MCF2L: variants seen among roughly 807,000 people sequenced by gnomAD.
MCF2L encodes guanine nucleotide exchange factor DBS.
Under a neutral mutation model 153.4 loss-of-function variants are expected in MCF2L, and 97 were observed. The ratio of observed to expected loss-of-function variants is 0.63; its 90% CI spans 0.54 to 0.75. The LOEUF (loss-of-function observed/expected upper bound fraction) is 0.75. MCF2L is among the 30% of genes least tolerant of loss of function. The pLI is 0.00. For synonymous variants in MCF2L, 659 were observed against 632.2 expected, an observed-to-expected ratio of 1.04 and a Z score of -0.64; for missense variants, 1,347 against 1,495.2, an observed-to-expected ratio of 0.90 and a Z score of 1.64.
chr13:113,089,731 G>A lies in MCF2L; in HGVS notation c.2953+3G>A, dbSNP rs775128067. 4.3e-6 allele frequency: 7 copies of A among 1,612,738 alleles called. No homozygotes were observed. The highest frequency in any genetic ancestry group is 5.9e-6 in the Non-Finnish European group (7 of 1,179,204). ...AAAGCCCCCCGAAAAGGGCAAAGGTGGGTATGTGCAGGGACCGGGCCTCAC... is the reference window on the plus strand; with the variant it reads ...AAAGCCCCCCGAAAAGGGCAAAGGTAGGTATGTGCAGGGACCGGGCCTCAC... On this transcript the variant is annotated splice_donor_region_variant and intron_variant, in intron 26 of 29. Coordinates refer to ENST00000535094, the MANE Select transcript of MCF2L (RefSeq NM_001112732.3).
intron 1 of MCF2L, among the ~76,000 whole-genome samples, chr13:112,895,555 G>A (rs77389417): frequency 0.014 from 2,083 of 152,234 alleles, 55 homozygotes; most frequent in African/African-American, 0.047. Context: ...ACTGTGGAGC[G>A]AGGGGTCCAG....
upstream of MCF2L, chr13:112,968,761 C>A (rs1399508896): frequency 2.9e-6 from 4 of 1,370,904 alleles, no homozygotes; most frequent in Non-Finnish European, 3.7e-6. Context: ...GGCAGCTGCA[C>A]TCGCTCGGTC....
At chr13:113,021,686 G>C (rs1034624746) in intron 2 of MCF2L, among the ~76,000 whole-genome samples, 1 of 152,220 alleles carries the variant, frequency 6.6e-6, no homozygotes, top group Non-Finnish European at 1.5e-5. Flanking sequence ...TGGTGGGGAG[G>C]GTTTCTCCAG....
intron 26 of MCF2L, 37 bp downstream of exon 26, chr13:113,089,765 C>T: frequency 6.2e-7 from 1 of 1,600,804 alleles, no homozygotes; most frequent in Non-Finnish European, 8.6e-7. Flanking sequence ...ACACGGAGGC[C>T]TCACACGGAG....
chr13:112,961,174 C>G (rs2081821424), intron 2 of MCF2L, among the ~76,000 whole-genome samples: 1 of 151,942 alleles, frequency 6.6e-6, no homozygotes, highest in Admixed American at 6.6e-5. Context: ...GCCCTGAAGA[C>G]TTCTGAAGAT....
intron 2 of MCF2L, chr13:112,909,377 G>C (rs2081207099): frequency 1.3e-6 from 1 of 767,656 alleles, no homozygotes; most frequent in African/African-American, 1.7e-5. Context: ...ATGGGTTGAA[G>C]CCAGGCTAAG....
rs1414280596 is a variant in MCF2L at position 113,097,944 on chromosome 13, T to C, written c.*1085T>C. On this transcript the variant is annotated 3_prime_UTR_variant, in exon 30 of 30. Coordinates refer to ENST00000535094, the MANE Select transcript of MCF2L (RefSeq NM_001112732.3). ...AAGTGAAAGTGGGGAGAGTATTTTA[T>C]TCAAGTCACAGCAGAACTGGAAAAA... 6.6e-6 allele frequency: 1 copy of C among 152,234 alleles called. No homozygotes were observed. The highest frequency in any genetic ancestry group is 1.5e-5 in the Non-Finnish European group (1 of 68,042). The allele number at this position is 152,234 out of a possible 1,614,324, so 9.4% of individuals were successfully genotyped here.
In MCF2L at chr13:113,074,581, C is replaced by T. The variant is rs199736125; in HGVS notation, c.1116+18C>T. The T allele has an allele frequency of 6.7e-4, 1,077 of 1,610,866 alleles. 4 individuals carry two copies. In the African/African-American group the frequency reaches 0.012, roughly 18 times the overall value. On this transcript the variant is annotated intron_variant, in intron 10 of 29. Coordinates refer to ENST00000535094, the MANE Select transcript of MCF2L (RefSeq NM_001112732.3). This position sits in a 1 kb window ranked among gnomAD's most constrained non-coding sequence, Gnocchi z 4.2. ...AATCAGGCGTAAGGCGGGGTCCCGG[C>T]GGGGGCGGCGGGAGAGTGTGGGCAG...
At chr13:112,959,011 C>A (rs1884896161) in intron 2 of MCF2L, among the ~76,000 whole-genome samples, 1 of 152,198 alleles carries the variant, frequency 6.6e-6, no homozygotes, top group Non-Finnish European at 1.5e-5. Flanking sequence ...GGCCGCTATG[C>A]CTCTTCCAGA....
At chr13:112,946,386 C>T (rs544209068) in intron 2 of MCF2L, among the ~76,000 whole-genome samples, 5 of 151,982 alleles carry the variant, frequency 3.3e-5, no homozygotes, top group Admixed American at 1.3e-4. Flanking sequence ...TTGTGGTAAA[C>T]GTATTGCTTT....
intron 1 of MCF2L, among the ~76,000 whole-genome samples, chr13:113,000,523 T>G (rs374271103): frequency 3.3e-5 from 5 of 152,314 alleles, no homozygotes; most frequent in African/African-American, 1.2e-4. Flanking sequence ...GCTTCCAGAC[T>G]TAGCTTTGGT....
chr13:113,064,246 C>T lies in MCF2L; in HGVS notation c.490-58C>T. 7.8e-7 allele frequency: 1 copy of T among 1,283,164 alleles called. No individual in the cohort carries two copies. Among genetic ancestry groups the T allele is most frequent in the South Asian group, 1.2e-5 (1 of 84,524 alleles). The allele number at this position is 1,283,164 out of a possible 1,614,324, so 79.5% of individuals were successfully genotyped here. Reference sequence around the variant, plus strand: ...GCTGGGTGTTCTGCTGATGGGGCAGCTCTTTTGGGAGCCAACAATAATCCC... The same window carrying T: ...GCTGGGTGTTCTGCTGATGGGGCAGTTCTTTTGGGAGCCAACAATAATCCC... On this transcript the variant is annotated intron_variant, in intron 5 of 29. Coordinates refer to ENST00000535094, the MANE Select transcript of MCF2L (RefSeq NM_001112732.3). This position sits in a 1 kb window ranked among gnomAD's most constrained non-coding sequence, Gnocchi z 6.0.
In MCF2L at chr13:113,089,990, C is replaced by T. The variant is rs966494715; in HGVS notation, c.2953+262C>T. ...GCGTGCAACCCGGAGCCGCCTTGGGCCCTCCCTGCGACAGCCGGACCCGCC... is the reference window on the plus strand; with the variant it reads ...GCGTGCAACCCGGAGCCGCCTTGGGTCCTCCCTGCGACAGCCGGACCCGCC... On this transcript the variant is annotated intron_variant, in intron 26 of 29. Transcript: ENST00000535094. 7.5e-6 allele frequency: 12 copies of T among 1,601,718 alleles called. No homozygotes were observed. In the South Asian group the frequency reaches 1.3e-4, roughly 18 times the overall value.
At chr13:113,016,591 G>T (rs2084529489) in intron 2 of MCF2L, among the ~76,000 whole-genome samples, 1 of 152,046 alleles carries the variant, frequency 6.6e-6, no homozygotes, top group South Asian at 2.1e-4. Flanking sequence ...ATATAAGATG[G>T]AGTCCCCTGT....
intron 1 of MCF2L, among the ~76,000 whole-genome samples, chr13:112,995,008 C>G (rs1011235128): frequency 6.6e-6 from 1 of 152,254 alleles, no homozygotes; most frequent in Non-Finnish European, 1.5e-5. Flanking sequence ...TCCCCAGGGG[C>G]GCCTCCCTCC....
chr13:113,090,125 C>T (rs1418076111), intron 26 of MCF2L: 1 of 1,546,628 alleles, frequency 6.5e-7, no homozygotes, highest in Non-Finnish European at 8.7e-7. Flanking sequence ...AAGCGCTTTA[C>T]CCTGCAGGGT....
chr13:113,082,615 G>A, intron 17 of MCF2L, 73 bp downstream of exon 17: 1 of 1,157,984 alleles, frequency 8.6e-7, no homozygotes, highest in East Asian at 2.5e-5. Context: ...TCAGGGGGCT[G>A]GAATGGGGGT....
chr13:113,017,275 G>A (rs374607967), intron 2 of MCF2L, among the ~76,000 whole-genome samples: 47 of 152,326 alleles, frequency 3.1e-4, no homozygotes, highest in African/African-American at 9.1e-4. Flanking sequence ...ACTGGGGCTC[G>A]TCTCTCAGGT....
chr13:112,989,886 G>A (rs2082831640), intron 1 of MCF2L, among the ~76,000 whole-genome samples: 1 of 152,258 alleles, frequency 6.6e-6, no homozygotes, highest in South Asian at 2.1e-4. Flanking sequence ...CAGGGGTAGG[G>A]ATGGTTTCAG....
Sources: gnomAD v4.1 joint callset for allele counts (sites outside exome capture counted in the v4.1 genomes callset) on GRCh38, gnomAD v4.1.1 for gene constraint, Gnocchi (gnomAD v3.1) non-coding constraint, MANE v1.5 for transcripts, NCBI Gene and HGNC (gene_info 2026-07-23, HGNC 2026-07-21) for gene names.